The following SDK1 variants were observed in gnomAD, a reference collection of about 807,000 sequenced individuals.
SDK1 encodes sidekick cell adhesion molecule 1, also known as protein sidekick-1.
Under a neutral mutation model 245.5 loss-of-function variants are expected in SDK1, and 157 were observed. The ratio of observed to expected loss-of-function variants is 0.64; its 90% CI spans 0.56 to 0.73. SDK1 has a LOEUF of 0.73. Among genes scored for constraint, SDK1 ranks in the 30% least tolerant of loss-of-function variants. The probability of loss-of-function intolerance (pLI) is 0.00; values close to 1 mark genes in which losing one functional copy is unlikely to be tolerated. For missense variants in SDK1, 3,583 were observed against 3,002.3 expected (o/e 1.19, Z -4.52); for synonymous variants, 1,647 against 1,278.5 (o/e 1.29, Z -6.15).
chr7:4,246,054 C>T (rs1377785129), intron 44 of SDK1, among the ~76,000 whole-genome samples: 1 of 152,190 alleles, frequency 6.6e-6, no homozygotes, highest in Non-Finnish European at 1.5e-5. Flanking sequence ...CATGGAGGAG[C>T]AGGTTGTGAC....
intron 1 of SDK1, among the ~76,000 whole-genome samples, chr7:3,596,322 G>T (rs1022044868): frequency 2.0e-5 from 3 of 152,196 alleles, no homozygotes; most frequent in African/African-American, 7.2e-5. Context: ...GTACAAGAGA[G>T]TAAGTCTGAC....
intron 4 of SDK1, among the ~76,000 whole-genome samples, chr7:3,770,050 G>C (rs913268407): frequency 4.6e-5 from 7 of 151,774 alleles, no homozygotes; most frequent in Admixed American, 2.6e-4. Flanking sequence ...ATAGGTTACT[G>C]GTTATGAGGA....
At chr7:3,594,790 A>C (rs897743337) in intron 1 of SDK1, among the ~76,000 whole-genome samples, 1 of 152,232 alleles carries the variant, frequency 6.6e-6, no homozygotes, top group Admixed American at 6.5e-5. Flanking sequence ...ATACTGATAT[A>C]AGAACCATCA....
chr7:4,025,285 C>A (rs747638267), intron 17 of SDK1, among the ~76,000 whole-genome samples: 3 of 152,206 alleles, frequency 2.0e-5, no homozygotes, highest in Non-Finnish European at 2.9e-5. Flanking sequence ...AAGCTTCCGC[C>A]GAACAGAGGA....
chr7:4,238,341 A>G (rs1022510794), intron 42 of SDK1, among the ~76,000 whole-genome samples: 4 of 151,884 alleles, frequency 2.6e-5, no homozygotes, highest in Admixed American at 6.6e-5. Context: ...CAGCCTCCCA[A>G]AGTGTTGGGA....
chr7:3,980,092 A>G (rs1304100641), intron 13 of SDK1, among the ~76,000 whole-genome samples: 2 of 152,218 alleles, frequency 1.3e-5, no homozygotes, highest in Non-Finnish European at 2.9e-5. Context: ...GTGAAGTCAA[A>G]GAAGATGGGT....
At chr7:3,714,384 A>G (rs1785138521) in intron 4 of SDK1, among the ~76,000 whole-genome samples, 1 of 152,178 alleles carries the variant, frequency 6.6e-6, no homozygotes, top group African/African-American at 2.4e-5. Context: ...TAGGGATGTT[A>G]TTATCTTTTT....
chr7:3,474,725 C>G (rs955622042), intron 1 of SDK1, among the ~76,000 whole-genome samples: 7 of 152,136 alleles, frequency 4.6e-5, no homozygotes, highest in East Asian at 1.9e-4. Flanking sequence ...GGGTCTTACT[C>G]TGTCACCCAG....
chr7:3,856,940 A>T (rs1036197131), intron 5 of SDK1, among the ~76,000 whole-genome samples: 16 of 152,222 alleles, frequency 1.1e-4, no homozygotes, highest in African/African-American at 3.1e-4. Context: ...GTTAAAAGGG[A>T]CAAAGAGGGA....
intron 4 of SDK1, among the ~76,000 whole-genome samples, chr7:3,661,918 C>T (rs966572879): frequency 1.3e-5 from 2 of 152,076 alleles, no homozygotes; most frequent in Non-Finnish European, 2.9e-5. Flanking sequence ...ACGTGCAACT[C>T]TAGAGGGCTT....
intron 20 of SDK1, 72 bp downstream of exon 20, chr7:4,068,008 A>T: frequency 2.8e-6 from 3 of 1,087,148 alleles, no homozygotes; most frequent in Non-Finnish European, 4.1e-6. Context: ...TGTCACTTCA[A>T]ACCAAACTGC....
intron 4 of SDK1, among the ~76,000 whole-genome samples, chr7:3,667,605 C>T (rs192139025): frequency 1.4e-4 from 21 of 152,326 alleles, no homozygotes; most frequent in Admixed American, 3.3e-4. Context: ...GTGATCAACT[C>T]TTCCTCCACC....
At chr7:4,147,259 C>T (rs568291406) in intron 29 of SDK1, among the ~76,000 whole-genome samples, 230 of 152,334 alleles carry the variant, frequency 1.5e-3, no homozygotes, top group African/African-American at 5.2e-3. Context: ...TAGGTCACCG[C>T]AGCCTGGAAT....
intron 4 of SDK1, among the ~76,000 whole-genome samples, chr7:3,656,787 C>T (rs949335791): frequency 6.7e-6 from 1 of 150,240 alleles, no homozygotes; most frequent in East Asian, 2.0e-4. Flanking sequence ...GTCGCCCAGG[C>T]CGGACTGCGG....
At chr7:3,440,989 G>C (rs1210316629) in intron 1 of SDK1, among the ~76,000 whole-genome samples, 1 of 152,162 alleles carries the variant, frequency 6.6e-6, no homozygotes, top group Non-Finnish European at 1.5e-5. Context: ...TAGTTACACA[G>C]ATTCAAGAAT....
At chr7:3,880,395 A>G (rs1781177767) in intron 5 of SDK1, among the ~76,000 whole-genome samples, 1 of 152,116 alleles carries the variant, frequency 6.6e-6, no homozygotes, top group Non-Finnish European at 1.5e-5. Context: ...CACAGCGAGA[A>G]CCAGCACGGG....
At chr7:3,526,187 C>T (rs761402847) in intron 1 of SDK1, among the ~76,000 whole-genome samples, 5 of 151,680 alleles carry the variant, frequency 3.3e-5, no homozygotes, top group Admixed American at 6.6e-5. Context: ...GAGCCGAGAT[C>T]GCATCACTGA....
chr7:3,383,446 G>C (rs1781538898), intron 1 of SDK1, among the ~76,000 whole-genome samples: 1 of 152,082 alleles, frequency 6.6e-6, no homozygotes, highest in Admixed American at 6.5e-5. Flanking sequence ...CCTCTCCCCA[G>C]TTTGGAAGTC....
Position 3,960,220 on chromosome 7 carries a change from A to G in SDK1, c.1234+1206A>G, listed in dbSNP as rs370188219. On this transcript the variant is annotated intron_variant, in intron 8 of 44. Transcript: ENST00000404826. ...AGTGCCAAAGGCACTGGGCCACTCA[A>G]TGAAATGGGATCCTTCTCTGGTGAA... Among the ~76,000 whole-genome samples, 28 of 152,324 alleles carry G rather than the reference A, an allele frequency of 1.8e-4. 1 individual carries two copies. The South Asian group carries it at 4.8e-3, about 26-fold the overall frequency.
Sources: gnomAD v4.1 joint callset for allele counts (sites outside exome capture counted in the v4.1 genomes callset) on GRCh38, gnomAD v4.1.1 for gene constraint, MANE v1.5 for transcripts, NCBI Gene and HGNC (gene_info 2026-07-23, HGNC 2026-07-21) for gene names.